SCD5: variants seen among roughly 807,000 people sequenced by gnomAD.
The protein encoded by SCD5 is acyl-CoA-desaturase 4.
A neutral mutation model predicts 30.4 loss-of-function variants in SCD5; 20 were observed. That is an observed-to-expected ratio of 0.66 (90% confidence interval 0.46 to 0.96). The LOEUF (loss-of-function observed/expected upper bound fraction) is 0.96. Among genes scored for constraint, SCD5 ranks in the 40% least tolerant of loss-of-function variants. The pLI is 0.00. For synonymous variants in SCD5, 173 were observed against 176.4 expected (o/e 0.98, Z 0.16); for missense variants, 381 against 443.3 (o/e 0.86, Z 1.26).
intron 2 of SCD5, among the ~76,000 whole-genome samples, chr4:82,682,871 A>G (rs975446377): frequency 2.6e-5 from 4 of 152,100 alleles, no homozygotes; most frequent in African/African-American, 9.7e-5. Flanking sequence ...GCTGGAGTAC[A>G]GTGGTGTGAT....
chr4:82,721,144 G>C (rs750733691), intron 1 of SCD5, among the ~76,000 whole-genome samples: 2 of 152,172 alleles, frequency 1.3e-5, no homozygotes, highest in Non-Finnish European at 2.9e-5. Flanking sequence ...CTAGGTGACA[G>C]AGTGAGACCC....
At chr4:82,668,020 G>A (rs932955401) in intron 3 of SCD5, among the ~76,000 whole-genome samples, 9 of 152,172 alleles carry the variant, frequency 5.9e-5, no homozygotes, top group African/African-American at 2.2e-4. Context: ...GAGAATATAA[G>A]AGGACAAAAT....
chr4:82,661,429 C>G (rs1728005465), intron 3 of SCD5, among the ~76,000 whole-genome samples: 1 of 152,190 alleles, frequency 6.6e-6, no homozygotes, highest in African/African-American at 2.4e-5. Flanking sequence ...ACATTGCTGT[C>G]AGCAGTTTGC....
intron 4 of SCD5, among the ~76,000 whole-genome samples, chr4:82,632,109 A>G (rs569528244): frequency 1.3e-5 from 2 of 152,124 alleles, no homozygotes; most frequent in African/African-American, 2.4e-5. Context: ...ATATGTATAC[A>G]TGTGCCATGT....
At chr4:82,751,698 C>A (rs7437835) in intron 1 of SCD5, among the ~76,000 whole-genome samples, 13 of 152,060 alleles carry the variant, frequency 8.5e-5, no homozygotes, top group African/African-American at 3.1e-4. Flanking sequence ...GCAATCTCCG[C>A]GCACTGCAAC....
rs1217370414 is a variant in SCD5 at position 82,794,292 on chromosome 4, T to C, written c.232+4014A>G. On this transcript the variant is annotated intron_variant, in intron 1 of 4. Transcript: ENST00000319540. ...CAAAGGAAACAGGGAAAATTACTGC[T>C]TTGCATGCCTGGTGCTGTCACTGAA... Among the ~76,000 whole-genome samples the C allele has an allele frequency of 2.0e-5, 3 of 152,290 alleles. No individual in the cohort carries two copies. In the East Asian group the frequency reaches 5.8e-4, roughly 29 times the overall value.
intron 3 of SCD5, among the ~76,000 whole-genome samples, chr4:82,642,363 G>A (rs1578001933): frequency 6.6e-6 from 1 of 152,174 alleles, no homozygotes; most frequent in Non-Finnish European, 1.5e-5. Context: ...AACGCGGCTG[G>A]AGTGTTGAAC....
At chr4:82,709,871 A>G (rs56175683) in intron 1 of SCD5, among the ~76,000 whole-genome samples, 1,766 of 152,360 alleles carry the variant, frequency 0.012, 37 homozygotes, top group African/African-American at 0.04. Flanking sequence ...GAAGGGAGTG[A>G]AGACTCACTG....
chr4:82,680,779 T>C lies in SCD5; in HGVS notation c.497A>G (p.Asp166Gly). ...IGWLFVRKHR[D>G]VIEKGRKLDV... ...AAGCTTTCTCCCCTTCTCAATAACA[T>C]CTCGATGCTTGCGAACAAACAGCCA... The change falls in exon 3 of 5, where the codon GAT (aspartate) becomes GGT (glycine). Residue 166 changes from aspartate (D) to glycine (G), a missense_variant. By Grantham distance (94) the Asp-to-Gly change is moderately conservative. Transcript: ENST00000319540. The C allele has an allele frequency of 6.2e-7, 1 of 1,613,534 alleles. No individual in the cohort carries two copies. The highest frequency in any genetic ancestry group is 8.5e-7 in the Non-Finnish European group (1 of 1,179,972).
chr4:82,756,140 T>C (rs1276677099), intron 1 of SCD5, among the ~76,000 whole-genome samples: 1 of 152,176 alleles, frequency 6.6e-6, no homozygotes, highest in African/African-American at 2.4e-5. Flanking sequence ...AGGTGTAATA[T>C]GGAAACCAGC....
At chr4:82,779,998 A>G (rs1303922362) in intron 1 of SCD5, among the ~76,000 whole-genome samples, 1 of 152,210 alleles carries the variant, frequency 6.6e-6, no homozygotes, top group Non-Finnish European at 1.5e-5. Context: ...GCTGTTCCTA[A>G]CTACAGCAAG....
intron 1 of SCD5, among the ~76,000 whole-genome samples, chr4:82,771,988 T>C (rs549492433): frequency 2.6e-5 from 4 of 152,176 alleles, no homozygotes; most frequent in Non-Finnish European, 5.9e-5. Context: ...AGAGAGTTAT[T>C]TAGCCCAACT....
chr4:82,738,521 CCT>C (rs1720803143), intron 1 of SCD5, among the ~76,000 whole-genome samples: 1 of 152,152 alleles, frequency 6.6e-6, no homozygotes, highest in Non-Finnish European at 1.5e-5. Flanking sequence ...CAGCACACTT[CCT>C]CTCTTTCTCA....
At chr4:82,671,632 C>A (rs913420456) in intron 3 of SCD5, among the ~76,000 whole-genome samples, 4 of 152,228 alleles carry the variant, frequency 2.6e-5, no homozygotes, top group Non-Finnish European at 5.9e-5. Flanking sequence ...TATCCCAGCA[C>A]TTTGGGAGGC....
intron 1 of SCD5, among the ~76,000 whole-genome samples, chr4:82,779,846 T>TA: frequency 6.6e-6 from 1 of 152,366 alleles, no homozygotes; most frequent in South Asian, 2.1e-4. Flanking sequence ...TGCACTACAA[T>TA]AATGCCCACA....
intron 3 of SCD5, among the ~76,000 whole-genome samples, chr4:82,663,813 A>T (rs1395260362): frequency 6.6e-6 from 1 of 152,226 alleles, no homozygotes; most frequent in Non-Finnish European, 1.5e-5. Flanking sequence ...TAGGCAAAGA[A>T]ACATTGCTGC....
intron 1 of SCD5, among the ~76,000 whole-genome samples, chr4:82,715,235 T>C (rs956771602): frequency 8.0e-6 from 1 of 125,018 alleles, no homozygotes; most frequent in African/African-American, 3.2e-5. Flanking sequence ...AGACTCCGTC[T>C]GAAAAAAAAA....
At chr4:82,775,547 A>G (rs867112419) in intron 1 of SCD5, 1 of 152,256 alleles carries the variant, frequency 6.6e-6, no homozygotes, top group African/African-American at 2.4e-5. Context: ...CACCTGATGC[A>G]TGTTCAAGGA....
chr4:82,662,581 C>T (rs1380496801), intron 3 of SCD5, among the ~76,000 whole-genome samples: 4 of 151,284 alleles, frequency 2.6e-5, no homozygotes, highest in African/African-American at 7.3e-5. Context: ...AAGATGGGGC[C>T]GGGTATGGTG....
Sources: allele counts gnomAD v4.1 joint callset (sites outside exome capture counted in the v4.1 genomes callset), GRCh38; gene constraint gnomAD v4.1.1; transcripts MANE v1.5; gene names NCBI Gene and HGNC (gene_info 2026-07-23, HGNC 2026-07-21).